Variants in PCDHA10 observed in about 807,000 individuals in gnomAD.
The protein encoded by PCDHA10 is protocadherin alpha 10.
A neutral mutation model predicts 61.2 loss-of-function variants in PCDHA10; 45 were observed. The ratio of observed to expected loss-of-function variants is 0.74; its 90% CI spans 0.58 to 0.94. PCDHA10 has a LOEUF of 0.94. PCDHA10 is among the 40% of genes least tolerant of loss of function. The probability of loss-of-function intolerance (pLI) is 0.00; values close to 1 mark genes in which losing one functional copy is unlikely to be tolerated. For missense variants in PCDHA10, 1,278 were observed against 1,236.2 expected, an observed-to-expected ratio of 1.03 and a Z score of -0.51; for synonymous variants, 602 against 548.8, an observed-to-expected ratio of 1.10 and a Z score of -1.35.
intron 1 of PCDHA10, among the ~76,000 whole-genome samples, chr5:140,950,430 A>T (rs1312660380): frequency 6.6e-6 from 1 of 151,876 alleles, no homozygotes; most frequent in Admixed American, 6.6e-5. Context: ...TCTTCCACTT[A>T]AAAAAAATGT....
At chr5:140,898,816 C>T (rs1216644860) in intron 1 of PCDHA10, among the ~76,000 whole-genome samples, 5 of 152,148 alleles carry the variant, frequency 3.3e-5, no homozygotes, top group African/African-American at 1.2e-4. Context: ...TTCTTCCTAC[C>T]CATGAGCATG....
intron 1 of PCDHA10, among the ~76,000 whole-genome samples, chr5:140,911,327 C>T (rs2153517846): frequency 6.6e-6 from 1 of 152,324 alleles, no homozygotes; most frequent in South Asian, 2.1e-4. Context: ...GGATCCCATT[C>T]TTTTCCAATC....
chr5:140,918,282 C>G (rs2078612020), intron 1 of PCDHA10, among the ~76,000 whole-genome samples: 1 of 152,016 alleles, frequency 6.6e-6, no homozygotes, highest in Non-Finnish European at 1.5e-5. Flanking sequence ...GATGTAGGAG[C>G]TTTTTGGCAG....
At position 140,887,505 on chromosome 5, in the gene PCDHA10, T is replaced by G. The variant is rs185975578; in HGVS notation, c.2388+29069T>G. On this transcript the variant is annotated intron_variant, in intron 1 of 3. Transcript: ENST00000307360. ...GGCTTGCATAGTTTCTAATAAGATG[T>G]TTGCTTTTTTATATATGAGTCTTCC... Among the ~76,000 whole-genome samples, 465 of 152,304 alleles carry G rather than the reference T, an allele frequency of 3.1e-3. 3 individuals carry two copies. The highest frequency in any genetic ancestry group is 0.014 in the Middle Eastern group (4 of 294).
chr5:141,001,253 C>G (rs896546841), intron 3 of PCDHA10, among the ~76,000 whole-genome samples: 1 of 152,078 alleles, frequency 6.6e-6, no homozygotes, highest in East Asian at 1.9e-4. Context: ...CCCTATGGGG[C>G]GGGCACTCTT....
In PCDHA10 at chr5:140,955,830, T is replaced by G. The variant is rs564870909; in HGVS notation, c.2389-23119T>G. Among the ~76,000 whole-genome samples, 9 of 152,318 alleles carry G rather than the reference T, an allele frequency of 5.9e-5. No individual in the cohort carries two copies. The South Asian group carries it at 1.9e-3, about 32-fold the overall frequency. Reference sequence around the variant, plus strand: ...TGTCCACTGTGATTTCCTTGAGCAGTGGTTTGTCATTCTCCTTGAAGAGGT... The same window carrying G: ...TGTCCACTGTGATTTCCTTGAGCAGGGGTTTGTCATTCTCCTTGAAGAGGT... On this transcript the variant is annotated intron_variant, in intron 1 of 3. Coordinates refer to ENST00000307360, the MANE Select transcript of PCDHA10 (RefSeq NM_018901.4).
At chr5:140,992,954 C>T (rs1174073844) in intron 3 of PCDHA10, among the ~76,000 whole-genome samples, 4 of 152,190 alleles carry the variant, frequency 2.6e-5, no homozygotes, top group Non-Finnish European at 5.9e-5. Context: ...TTAAATCACC[C>T]CTTATACTGC....
chr5:140,864,928 T>C (rs2048657742), intron 1 of PCDHA10: 1 of 152,144 alleles, frequency 6.6e-6, no homozygotes, highest in Non-Finnish European at 1.5e-5. Flanking sequence ...CTTGGCAGGG[T>C]GTCTCAGGCC....
At chr5:140,872,797 C>T (rs2153276720) in intron 1 of PCDHA10, among the ~76,000 whole-genome samples, 1 of 152,196 alleles carries the variant, frequency 6.6e-6, no homozygotes, top group South Asian at 2.1e-4. Flanking sequence ...AGTTGGCATT[C>T]TTCCATAAGT....
At chr5:140,976,794 A>T (rs1199342082) in intron 1 of PCDHA10, among the ~76,000 whole-genome samples, 1 of 152,230 alleles carries the variant, frequency 6.6e-6, no homozygotes, top group East Asian at 1.9e-4. Context: ...CTACGCTTTT[A>T]TGAATATCTG....
chr5:140,863,163 G>A (rs1554157882), intron 1 of PCDHA10: 4 of 658,702 alleles, frequency 6.1e-6, no homozygotes, highest in Non-Finnish European at 1.1e-5. Flanking sequence ...ACTGCGAGCT[G>A]GCGCTGACTG....
rs570001791 is a variant in PCDHA10, at chr5:140,924,660, C to T, written c.2389-54289C>T. Among the ~76,000 whole-genome samples the T allele has an allele frequency of 2.5e-3, 382 of 152,090 alleles. 1 individual carries two copies. Among genetic ancestry groups the T allele is most frequent in the South Asian group, 8.9e-3 (43 of 4,822 alleles). Reference sequence around the variant, plus strand: ...CTGTAATCCCAGCACTTTGGGAGGCCGAGGCAGGCCAATCACTTGAGGTCA... The same window carrying T: ...CTGTAATCCCAGCACTTTGGGAGGCTGAGGCAGGCCAATCACTTGAGGTCA... On this transcript the variant is annotated intron_variant, in intron 1 of 3. Coordinates refer to ENST00000307360, the MANE Select transcript of PCDHA10 (RefSeq NM_018901.4).
At chr5:140,997,762 A>G (rs2097784598) in intron 3 of PCDHA10, among the ~76,000 whole-genome samples, 1 of 152,118 alleles carries the variant, frequency 6.6e-6, no homozygotes, top group Non-Finnish European at 1.5e-5. Context: ...GAGTAAGGAT[A>G]TAGCACTATG....
intron 3 of PCDHA10, 42 bp downstream of exon 3, chr5:140,982,605 A>G: frequency 1.9e-6 from 3 of 1,605,520 alleles, no homozygotes; most frequent in Non-Finnish European, 2.6e-6. Flanking sequence ...GGTTTCTGGA[A>G]AGTGATCAGA....
intron 3 of PCDHA10, among the ~76,000 whole-genome samples, chr5:140,995,339 G>A (rs782776966): frequency 1.3e-4 from 20 of 152,026 alleles, no homozygotes; most frequent in Non-Finnish European, 7.4e-5. Context: ...TAGTGTAGAC[G>A]GCATGGATAG....
chr5:140,927,235 C>T (rs1478545930), intron 1 of PCDHA10: 7 of 1,614,034 alleles, frequency 4.3e-6, no homozygotes, highest in Non-Finnish European at 5.9e-6. Flanking sequence ...GATTCACGTC[C>T]TGGACACCAA....
chr5:140,998,681 C>G (rs978884535), intron 3 of PCDHA10, among the ~76,000 whole-genome samples: 42 of 152,038 alleles, frequency 2.8e-4, no homozygotes, highest in Non-Finnish European at 1.6e-4. Context: ...TCTCCTGCCT[C>G]AGCCTCCCAA....
chr5:140,933,429 G>A (rs2089147163), intron 1 of PCDHA10, among the ~76,000 whole-genome samples: 1 of 151,830 alleles, frequency 6.6e-6, no homozygotes, highest in South Asian at 2.1e-4. Flanking sequence ...GTTCATAGGG[G>A]CACTCTAATG....
chr5:140,950,040 C>T (rs1053592525), intron 1 of PCDHA10, among the ~76,000 whole-genome samples: 4 of 151,718 alleles, frequency 2.6e-5, no homozygotes, highest in Non-Finnish European at 5.9e-5. Flanking sequence ...AAGTTACAAC[C>T]ATATAAGACT....
Sources: gnomAD v4.1 joint callset for allele counts (sites outside exome capture counted in the v4.1 genomes callset) on GRCh38, gnomAD v4.1.1 for gene constraint, MANE v1.5 for transcripts, NCBI Gene and HGNC (gene_info 2026-07-23, HGNC 2026-07-21) for gene names.